The following RANBP2 variants were observed in gnomAD, a reference collection of about 807,000 sequenced individuals.
RANBP2 encodes the protein E3 SUMO-protein ligase RanBP2.
A neutral mutation model predicts 303.6 loss-of-function variants in RANBP2; 57 were observed. The ratio of observed to expected loss-of-function variants is 0.19; its 90% CI spans 0.15 to 0.23. The LOEUF (loss-of-function observed/expected upper bound fraction) is 0.23, where lower values mean the gene tolerates loss of function less well. Among genes scored for constraint, RANBP2 ranks in the 10% least tolerant of loss-of-function variants. RANBP2 has a pLI of 1.00. For synonymous variants in RANBP2, 1,167 were observed against 1,301.5 expected, an observed-to-expected ratio of 0.90 and a Z score of 2.23; for missense variants, 3,138 against 3,780.8, an observed-to-expected ratio of 0.83 and a Z score of 4.46.
chr2:109,085,440 C>T, the RANBP2 span, among the ~76,000 whole-genome samples: 1 of 146,644 alleles, frequency 6.8e-6, no homozygotes, highest in Admixed American at 6.8e-5. Context: ...AGTAGCTGGG[C>T]CTACACGCGC....
chr2:109,680,725 T>C, the RANBP2 span, among the ~76,000 whole-genome samples: 1 of 152,186 alleles, frequency 6.6e-6, no homozygotes, highest in Non-Finnish European at 1.5e-5. Context: ...AGACCTTTCC[T>C]GTTTCAGTCT....
At chr2:109,511,924 C>T in the RANBP2 span, among the ~76,000 whole-genome samples, 1 of 152,108 alleles carries the variant, frequency 6.6e-6, no homozygotes. Context: ...GTGGTGCTGC[C>T]CACAGCAGGT....
At position 108,766,084 on chromosome 2, in the gene RANBP2, G is replaced by T. The variant is rs1558923902; in HGVS notation, c.5545G>T (p.Ala1849Ser). 6.2e-7 allele frequency: 1 copy of T among 1,614,154 alleles called. No individual in the cohort carries two copies. Among genetic ancestry groups the T allele is most frequent in the African/African-American group, 1.3e-5 (1 of 75,048 alleles). ...ATTTAAAAGTAATTTCTCAGAAAAA[G>T]CTTCTAAGTTTGGCAATACAGAGCA... is the stretch of plus-strand genomic sequence containing the variant. The part of the protein sequence containing the change: ...TGFKSNFSEK[A>S]SKFGNTEQGF... The change falls in exon 20 of 29, where the codon GCT becomes TCT. Residue 1849 changes from alanine to serine, a missense_variant. Transcript: ENST00000283195.
the RANBP2 span, among the ~76,000 whole-genome samples, chr2:109,726,058 G>GGGGTGTGTGTGT: frequency 1.1e-4 from 15 of 137,106 alleles, no homozygotes; most frequent in East Asian, 9.0e-4. Context: ...TTTTGCTTTT[G>GGGGTGTGTGTGT]GTGTGTGTGT....
chr2:109,218,561 G>T, the RANBP2 span, among the ~76,000 whole-genome samples: 1 of 152,108 alleles, frequency 6.6e-6, no homozygotes, highest in Non-Finnish European at 1.5e-5. Flanking sequence ...TCAAACAATA[G>T]ACCTTTTCAT....
chr2:109,063,391 T>C, the RANBP2 span, among the ~76,000 whole-genome samples: 23 of 152,278 alleles, frequency 1.5e-4, 1 homozygote, highest in South Asian at 4.6e-3. Flanking sequence ...CTCGACACAG[T>C]AGGGTCCACA....
the RANBP2 span, among the ~76,000 whole-genome samples, chr2:109,148,282 A>T: frequency 6.6e-6 from 1 of 152,242 alleles, no homozygotes; most frequent in Non-Finnish European, 1.5e-5. Context: ...CCACATGAGC[A>T]GAGCACGTGA....
chr2:109,182,438 C>T, the RANBP2 span, among the ~76,000 whole-genome samples: 3 of 152,272 alleles, frequency 2.0e-5, no homozygotes, highest in South Asian at 4.1e-4. Flanking sequence ...ATCAAATTTC[C>T]AACACATAAA....
chr2:109,576,801 A>G, the RANBP2 span, among the ~76,000 whole-genome samples: 15 of 152,206 alleles, frequency 9.9e-5, no homozygotes, highest in Admixed American at 7.9e-4. Context: ...AAAGATAAAA[A>G]ATATGAATCA....
chr2:109,147,355 G>T, the RANBP2 span, among the ~76,000 whole-genome samples: 3 of 152,170 alleles, frequency 2.0e-5, no homozygotes, highest in African/African-American at 2.4e-5. Flanking sequence ...CTATCTCTGC[G>T]CTGATAAGCA....
chr2:108,846,688 TA>T, the RANBP2 span: 1 of 1,497,192 alleles, frequency 6.7e-7, no homozygotes, highest in South Asian at 1.2e-5. Context: ...AAAAAAAAGA[TA>T]TATTCTGAAC....
chr2:109,643,789 C>T, the RANBP2 span, among the ~76,000 whole-genome samples: 3 of 146,114 alleles, frequency 2.1e-5, no homozygotes, highest in Non-Finnish European at 4.5e-5. Flanking sequence ...AAACAAAAAA[C>T]CCTGTTTCCT....
At chr2:109,632,812 C>CT in the RANBP2 span, among the ~76,000 whole-genome samples, 75 of 146,162 alleles carry the variant, frequency 5.1e-4, no homozygotes, top group African/African-American at 1.7e-3. Context: ...GAGCGAGACT[C>CT]TGTCTCAAAA....
chr2:109,266,620 C>T, the RANBP2 span, among the ~76,000 whole-genome samples: 1 of 151,868 alleles, frequency 6.6e-6, no homozygotes, highest in African/African-American at 2.4e-5. Context: ...AGCAGGGCTC[C>T]CCTCAGGGCT....
the RANBP2 span, among the ~76,000 whole-genome samples, chr2:108,938,557 G>C: frequency 6.6e-6 from 1 of 152,020 alleles, no homozygotes. Flanking sequence ...TCATCCCAAT[G>C]TCCTGCTGTA....
At chr2:108,915,265 G>T in the RANBP2 span, among the ~76,000 whole-genome samples, 1 of 152,204 alleles carries the variant, frequency 6.6e-6, no homozygotes, top group East Asian at 1.9e-4. Flanking sequence ...TGTTCTGTGA[G>T]TGGGGGCAGC....
the RANBP2 span, among the ~76,000 whole-genome samples, chr2:109,104,879 C>T: frequency 6.6e-6 from 1 of 152,158 alleles, no homozygotes; most frequent in African/African-American, 2.4e-5. Flanking sequence ...GTTAAAAGTG[C>T]TTTGTGTACA....
At chr2:109,425,439 C>T in the RANBP2 span, among the ~76,000 whole-genome samples, 1 of 152,200 alleles carries the variant, frequency 6.6e-6, no homozygotes, top group African/African-American at 2.4e-5. Flanking sequence ...ACTTTCATAG[C>T]TAGAGAGGAG....
the RANBP2 span, among the ~76,000 whole-genome samples, chr2:109,172,421 T>C: frequency 1.3e-5 from 2 of 152,242 alleles, no homozygotes; most frequent in Non-Finnish European, 1.5e-5. Context: ...TCTGTGACTG[T>C]AACCTAAAAA....
Sources: allele counts gnomAD v4.1 joint callset (sites outside exome capture counted in the v4.1 genomes callset), GRCh38; gene constraint gnomAD v4.1.1; transcripts MANE v1.5; gene names NCBI Gene and HGNC (gene_info 2026-07-23, HGNC 2026-07-21).